The following BRIP1 variants were observed in gnomAD, a reference collection of about 807,000 sequenced individuals.
BRIP1 encodes BRCA1 interacting DNA helicase 1, also known as Fanconi anemia group J protein.
A neutral mutation model predicts 119.7 loss-of-function variants in BRIP1; 88 were observed. The observed-to-expected ratio is 0.74, with a 90% CI of 0.62 to 0.88. BRIP1 has a LOEUF of 0.88. Ranked by LOEUF, BRIP1 falls within the 40% of genes least tolerant of loss-of-function variation. BRIP1 has a pLI of 0.00. For missense variants in BRIP1, 1,259 were observed against 1,455.4 expected, an observed-to-expected ratio of 0.87 and a Z score of 2.20; for synonymous variants, 443 against 496.5, an observed-to-expected ratio of 0.89 and a Z score of 1.43.
intron 6 of BRIP1, among the ~76,000 whole-genome samples, chr17:61,830,763 C>T (rs2078481737): frequency 6.6e-6 from 1 of 152,170 alleles, no homozygotes; most frequent in South Asian, 2.1e-4. Flanking sequence ...ATCAATACTT[C>T]CCAACTCATT....
At position 61,758,297 on chromosome 17, in the gene BRIP1, G is replaced by A. The variant is rs772467018; in HGVS notation, c.2098-13706C>T. 5.9e-5 allele frequency among the ~76,000 whole-genome samples: 9 copies of A among 152,080 alleles called. No individual in the cohort carries two copies. The highest frequency in any genetic ancestry group is 9.7e-5 in the African/African-American group (4 of 41,442). The stretch of plus-strand genomic sequence containing the variant: ...TTTCCTGAATAGATTAACTGTAGGC[G>A]AAAAAGGCAACTCGTTTTCTATACT... On this transcript the variant is annotated intron_variant, in intron 14 of 19. Transcript: ENST00000259008. The surrounding 1 kb of genome is among the most constrained non-coding windows in gnomAD (Gnocchi z 5.3).
In BRIP1 at chr17:61,775,859, T is replaced by C. The variant is rs1351596473; in HGVS notation, c.2097+542A>G. The C allele has an allele frequency of 6.5e-6, 1 of 154,346 alleles. No individual in the cohort carries two copies. The highest frequency in any genetic ancestry group is 2.4e-5 in the African/African-American group (1 of 41,456). The allele number at this position is 154,346 out of a possible 1,614,324, so 9.6% of individuals were successfully genotyped here. On this transcript the variant is annotated intron_variant, in intron 14 of 19. Transcript: ENST00000259008. The surrounding 1 kb of genome is among the most constrained non-coding windows in gnomAD (Gnocchi z 4.4). ...AAACACTTCTCCTATATAATTAACA[T>C]TGCTTGAAGACTTTTATTCTTTCAG...
intron 10 of BRIP1, among the ~76,000 whole-genome samples, chr17:61,785,405 C>G (rs999569828): frequency 1.3e-5 from 2 of 151,996 alleles, no homozygotes; most frequent in Non-Finnish European, 2.9e-5. Flanking sequence ...ATTCTGAATA[C>G]TGAAGCAATA....
chr17:61,700,486 G>A lies in BRIP1; in HGVS notation c.2493-6974C>T, dbSNP rs562070905. Among the ~76,000 whole-genome samples the A allele has an allele frequency of 6.6e-6, 1 of 152,234 alleles. No individual in the cohort carries two copies. The highest frequency in any genetic ancestry group is 1.5e-5 in the Non-Finnish European group (1 of 68,014). On this transcript the variant is annotated intron_variant, in intron 17 of 19. Transcript: ENST00000259008. The surrounding 1 kb of genome is among the most constrained non-coding windows in gnomAD (Gnocchi z 4.1). ...TTAGATATAGTATTCTTGGTTGACA[G>A]TCATTTTCTTTCAGCACTTTGAACA...
chr17:61,733,104 A>G (rs373771917), intron 16 of BRIP1, among the ~76,000 whole-genome samples: 4 of 152,240 alleles, frequency 2.6e-5, no homozygotes, highest in South Asian at 2.1e-4. Flanking sequence ...TCCTCTTGAT[A>G]TACTACAGTC....
intron 10 of BRIP1, among the ~76,000 whole-genome samples, chr17:61,784,694 G>T (rs1375762765): frequency 6.6e-6 from 1 of 152,142 alleles, no homozygotes; most frequent in Non-Finnish European, 1.5e-5. Context: ...GGGTGAGTTA[G>T]TGCTCTGTTA....
At chr17:61,688,700 C>T (rs1198116520) in intron 18 of BRIP1, among the ~76,000 whole-genome samples, 1 of 144,260 alleles carries the variant, frequency 6.9e-6, no homozygotes, top group Non-Finnish European at 1.5e-5. Context: ...CATAAAGAAA[C>T]AGGAAAAAAT....
intron 6 of BRIP1, among the ~76,000 whole-genome samples, chr17:61,813,445 G>A (rs1041379792): frequency 6.6e-6 from 1 of 151,848 alleles, no homozygotes; most frequent in Admixed American, 6.6e-5. Flanking sequence ...GATGAATTAT[G>A]ACTAAATGTC....
rs549931693 is a variant in BRIP1, at chr17:61,762,668, T to C, written c.2097+13733A>G. ...AGGGAAATACAAATTAAAACCATGA[T>C]GAAACATTACCTTATGCCTGTAACA... On this transcript the variant is annotated intron_variant, in intron 14 of 19. Transcript: ENST00000259008. The surrounding 1 kb of genome is among the most constrained non-coding windows in gnomAD (Gnocchi z 4.3). 6.6e-6 allele frequency among the ~76,000 whole-genome samples: 1 copy of C among 152,068 alleles called. No homozygotes were observed. Among genetic ancestry groups the C allele is most frequent in the Non-Finnish European group, 1.5e-5 (1 of 67,996 alleles).
In BRIP1 at chr17:61,684,230, A is replaced by C. The variant is rs2144096315; in HGVS notation, c.2906-90T>G. On this transcript the variant is annotated intron_variant, in intron 19 of 19. Transcript: ENST00000259008. The surrounding 1 kb of genome is among the most constrained non-coding windows in gnomAD (Gnocchi z 4.5). ...AATAATTATTTATTAGAAATACCTA[A>C]ATAACTGTATAGGATACATAACTTA... 1 of 1,407,980 alleles carries C rather than the reference A, an allele frequency of 7.1e-7. No homozygotes were observed. The highest frequency in any genetic ancestry group is 9.8e-7 in the Non-Finnish European group (1 of 1,024,366). 87.2% of individuals were successfully genotyped at this position (1,407,980 alleles called of 1,614,324 possible).
In BRIP1 at chr17:61,853,842, A is replaced by G. The variant is rs932007107; in HGVS notation, c.379+3216T>C. Among the ~76,000 whole-genome samples the G allele has an allele frequency of 1.3e-5, 2 of 152,232 alleles. No homozygotes were observed. Among genetic ancestry groups the G allele is most frequent in the African/African-American group, 4.8e-5 (2 of 41,464 alleles). The stretch of plus-strand genomic sequence containing the variant: ...AGAAGTCTCAAAATTTAACAGTAAG[A>G]ACACAAACTAATAAAAAATAGGCAA... On this transcript the variant is annotated intron_variant, in intron 4 of 19. Transcript: ENST00000259008. The surrounding 1 kb of genome is among the most constrained non-coding windows in gnomAD (Gnocchi z 4.3).
rs1466121776 is a variant in BRIP1, at chr17:61,822,303, T to C, written c.628-13546A>G. Among the ~76,000 whole-genome samples the C allele has an allele frequency of 6.6e-6, 1 of 152,170 alleles. No homozygotes were observed. On this transcript the variant is annotated intron_variant, in intron 6 of 19. Coordinates refer to ENST00000259008, the MANE Select transcript of BRIP1 (RefSeq NM_032043.3). This position sits in a 1 kb window ranked among gnomAD's most constrained non-coding sequence, Gnocchi z 4.4. ...CAAATATCACTTTTATAAAAACAATTACATTTTTTAAAAACATACACAGAA... is the reference window on the plus strand; with the variant it reads ...CAAATATCACTTTTATAAAAACAATCACATTTTTTAAAAACATACACAGAA...
intron 16 of BRIP1, among the ~76,000 whole-genome samples, chr17:61,741,500 C>T (rs4309463): frequency 0.77 from 117,862 of 152,220 alleles, 46,262 homozygotes; most frequent in African/African-American, 0.84. Context: ...GTTATAGCCT[C>T]GTGAAATGTA....
In BRIP1 at chr17:61,757,831, C is replaced by G. The variant is rs2077220454; in HGVS notation, c.2098-13240G>C. Among the ~76,000 whole-genome samples the G allele has an allele frequency of 6.6e-6, 1 of 151,814 alleles. No homozygotes were observed. Among genetic ancestry groups the G allele is most frequent in the Admixed American group, 6.6e-5 (1 of 15,240 alleles). On this transcript the variant is annotated intron_variant, in intron 14 of 19. Transcript: ENST00000259008. This position sits in a 1 kb window ranked among gnomAD's most constrained non-coding sequence, Gnocchi z 4.3. The stretch of plus-strand genomic sequence containing the variant: ...CCTGGGCAACATGGCTAAACCCCAT[C>G]TCTACAAAAAAAATAACTGGGCATG...
At position 61,720,272 on chromosome 17, in the gene BRIP1, A is replaced by G. The variant is rs950818784; in HGVS notation, c.2380-4209T>C. On this transcript the variant is annotated intron_variant, in intron 16 of 19. Coordinates refer to ENST00000259008, the MANE Select transcript of BRIP1 (RefSeq NM_032043.3). This position sits in a 1 kb window ranked among gnomAD's most constrained non-coding sequence, Gnocchi z 4.3. Reference sequence around the variant, plus strand: ...AGAAGGAGGAGATTACATGTTCCATACACAAAGAAATGATAAATGTTTGAG... The same window carrying G: ...AGAAGGAGGAGATTACATGTTCCATGCACAAAGAAATGATAAATGTTTGAG... Among the ~76,000 whole-genome samples the G allele has an allele frequency of 1.3e-5, 2 of 152,230 alleles. No individual in the cohort carries two copies. Among genetic ancestry groups the G allele is most frequent in the African/African-American group, 2.4e-5 (1 of 41,456 alleles).
intron 17 of BRIP1, 68 bp downstream of exon 17, chr17:61,715,883 T>C (rs2061851141): frequency 3.9e-6 from 4 of 1,035,562 alleles, no homozygotes; most frequent in Admixed American, 2.2e-5. Context: ...AAGAGTAAAG[T>C]AGCAAGACTA....
At chr17:61,749,529 AAATCAAAACCACG>A (rs1199546499) in intron 14 of BRIP1, among the ~76,000 whole-genome samples, 8 of 151,890 alleles carry the variant, frequency 5.3e-5, no homozygotes, top group Non-Finnish European at 1.2e-4. Flanking sequence ...AGGGAAATGC[AAATCAAAACCACG>A]ATGAGATATT....
rs79853670 is a variant in BRIP1 at position 61,805,808 on chromosome 17, T to A, written c.918+2659A>T. On this transcript the variant is annotated intron_variant, in intron 7 of 19. Transcript: ENST00000259008. The surrounding 1 kb of genome is among the most constrained non-coding windows in gnomAD (Gnocchi z 5.6). Reference sequence around the variant, plus strand: ...TTCATTCCAAGCTTCTTCCATACAATTCTGAAAGCTTACCTTTATACAAAA... The same window carrying A: ...TTCATTCCAAGCTTCTTCCATACAAATCTGAAAGCTTACCTTTATACAAAA... Among the ~76,000 whole-genome samples, 1,677 of 152,302 alleles carry A rather than the reference T, an allele frequency of 0.011. 14 individuals carry two copies. Among genetic ancestry groups the A allele is most frequent in the Non-Finnish European group, 0.018 (1,197 of 68,024 alleles).
At position 61,683,461 on chromosome 17, in the gene BRIP1, C is replaced by T. The variant is rs2061301182; in HGVS notation, c.3585G>A (p.Leu1195=). The change falls in exon 20 of 20, where the codon TTG becomes TTA. Residue 1195 remains leucine (L), a synonymous_variant. Transcript: ENST00000259008. This position sits in a 1 kb window ranked among gnomAD's most constrained non-coding sequence, Gnocchi z 4.7. ...VKAEDCIDTK[L]NGILHIEESK... is the part of the protein sequence containing the mutation. The stretch of plus-strand genomic sequence containing the variant: ...TTTCTTCAATATGCAGAATTCCATT[C>T]AACTTTGTATCTATGCAATCCTCAG... 1.9e-6 allele frequency: 3 copies of T among 1,613,250 alleles called. No individual in the cohort carries two copies. The East Asian group carries it at 6.7e-5, about 36-fold the overall frequency.
Sources: gnomAD v4.1 joint callset for allele counts (sites outside exome capture counted in the v4.1 genomes callset) on GRCh38, gnomAD v4.1.1 for gene constraint, Gnocchi (gnomAD v3.1) non-coding constraint, MANE v1.5 for transcripts, NCBI Gene and HGNC (gene_info 2026-07-23, HGNC 2026-07-21) for gene names.